MINDY3: variants seen among roughly 807,000 people sequenced by gnomAD.
MINDY3 encodes ubiquitin carboxyl-terminal hydrolase MINDY-3.
A neutral mutation model predicts 69.2 loss-of-function variants in MINDY3; 38 were observed. The ratio of observed to expected loss-of-function variants is 0.55; its 90% CI spans 0.42 to 0.72. MINDY3 has a LOEUF of 0.72. Ranked by LOEUF, MINDY3 falls within the 30% of genes least tolerant of loss-of-function variation. The pLI is 0.00. For synonymous variants in MINDY3, 192 were observed against 180.1 expected (o/e 1.07, Z -0.53); for missense variants, 522 against 519.0 (o/e 1.01, Z -0.06).
At chr10:15,852,189 G>C (rs139970017) in intron 1 of MINDY3, among the ~76,000 whole-genome samples, 1 of 151,988 alleles carries the variant, frequency 6.6e-6, no homozygotes, top group Non-Finnish European at 1.5e-5. Flanking sequence ...TTGCCTGACC[G>C]GTGTTGTATC....
chr10:15,782,201 G>C lies in MINDY3; in HGVS notation c.1142C>G (p.Thr381Ser). 6.2e-7 allele frequency: 1 copy of C among 1,609,682 alleles called. No individual in the cohort carries two copies. Among genetic ancestry groups the C allele is most frequent in the Non-Finnish European group, 8.5e-7 (1 of 1,177,184 alleles). Residue 381 changes from threonine to serine, a missense_variant, in exon 14 of 15, where the codon ACT becomes AGT. Transcript: ENST00000277632. ...CTTCAATCCATTGTAGTGGTAGACAGTAAAAGATTCTGGACCACTGGAGCC... is the reference window on the plus strand; with the variant it reads ...CTTCAATCCATTGTAGTGGTAGACACTAAAAGATTCTGGACCACTGGAGCC... ...DQGSSGPESF[T>S]VYHYNGLKQS...
chr10:15,788,921 C>T (rs184789089), intron 12 of MINDY3: 8 of 188,960 alleles, frequency 4.2e-5, no homozygotes, highest in Non-Finnish European at 8.9e-5. Flanking sequence ...ACCGTCATTA[C>T]TTTACTGAAG....
intron 10 of MINDY3, among the ~76,000 whole-genome samples, chr10:15,799,054 T>C (rs9783219): frequency 0.048 from 7,377 of 152,122 alleles, 581 homozygotes; most frequent in African/African-American, 0.16. Flanking sequence ...TTGCAGGGCA[T>C]ATGGTCTTAG....
At chr10:15,824,059 C>A (rs150622953) in intron 8 of MINDY3, among the ~76,000 whole-genome samples, 1 of 152,282 alleles carries the variant, frequency 6.6e-6, no homozygotes, top group African/African-American at 2.4e-5. Flanking sequence ...GATTCCCTAG[C>A]TTTGCTACTG....
At chr10:15,781,667 A>T (rs926170200) in intron 14 of MINDY3, among the ~76,000 whole-genome samples, 5 of 152,144 alleles carry the variant, frequency 3.3e-5, no homozygotes, top group African/African-American at 4.8e-5. Flanking sequence ...CTTGACCTGT[A>T]AAATGGAGAT....
chr10:15,790,567 T>C (rs1158141652), intron 11 of MINDY3, among the ~76,000 whole-genome samples: 1 of 152,082 alleles, frequency 6.6e-6, no homozygotes, highest in Non-Finnish European at 1.5e-5. Context: ...GCTCAGCGTC[T>C]CCGAATGTGA....
intron 10 of MINDY3, among the ~76,000 whole-genome samples, chr10:15,800,565 A>G (rs907554808): frequency 2.0e-5 from 3 of 152,084 alleles, no homozygotes; most frequent in Non-Finnish European, 4.4e-5. Flanking sequence ...CATACTTTTC[A>G]TCATGTTTAG....
At chr10:15,808,928 C>T (rs1303793940) in intron 10 of MINDY3, among the ~76,000 whole-genome samples, 2 of 152,122 alleles carry the variant, frequency 1.3e-5, no homozygotes, top group Admixed American at 1.3e-4. Flanking sequence ...GGATCAACAG[C>T]TGTCACTCCA....
At chr10:15,853,094 A>C (rs117594299) in intron 1 of MINDY3, among the ~76,000 whole-genome samples, 5 of 152,268 alleles carry the variant, frequency 3.3e-5, no homozygotes, top group Non-Finnish European at 4.4e-5. Context: ...ACACCAACAG[A>C]CAACTATATT....
At chr10:15,786,484 A>G in intron 13 of MINDY3, 77 bp downstream of exon 13, 1 of 920,700 alleles carries the variant, frequency 1.1e-6, no homozygotes, top group South Asian at 1.4e-5. Flanking sequence ...ATTGTACAGA[A>G]AGAGAAAATG....
intron 2 of MINDY3, among the ~76,000 whole-genome samples, chr10:15,845,865 C>T (rs1288693517): frequency 7.0e-6 from 1 of 143,706 alleles, no homozygotes; most frequent in Admixed American, 7.0e-5. Flanking sequence ...CTCTTTCACC[C>T]GAGCTAGAGT....
chr10:15,821,745 A>C lies in MINDY3; in HGVS notation c.731-19T>G. 6.2e-7 allele frequency: 1 copy of C among 1,604,578 alleles called. No individual in the cohort carries two copies. The highest frequency in any genetic ancestry group is 1.1e-5 in the South Asian group (1 of 89,572). Reference sequence around the variant, plus strand: ...AGAAGTTCTGCAAAAAACAACAACAACAACAAAAAACGAAAACTTAGCATT... The same window carrying C: ...AGAAGTTCTGCAAAAAACAACAACACCAACAAAAAACGAAAACTTAGCATT... On this transcript the variant is annotated intron_variant, in intron 8 of 14. Coordinates refer to ENST00000277632, the MANE Select transcript of MINDY3 (RefSeq NM_024948.4).
chr10:15,782,173 C>A lies in MINDY3; in HGVS notation c.1170G>T (p.Gln390His). ...ATCATACCTTTTCATTATAATTTGA[C>A]TGCTTCAATCCATTGTAGTGGTAGA... ...FTVYHYNGLK[Q>H]SNYNEKVMYV... Residue 390 changes from glutamine (Q) to histidine (H), a missense_variant, in exon 14 of 15, where the codon CAG (glutamine) becomes CAT (histidine). By Grantham distance (24) the Gln-to-His change is conservative. Transcript: ENST00000277632. 1 of 1,610,274 alleles carries A rather than the reference C, an allele frequency of 6.2e-7. No individual in the cohort carries two copies. Among genetic ancestry groups the A allele is most frequent in the East Asian group, 2.2e-5 (1 of 44,814 alleles).
At chr10:15,787,087 CAT>C (rs1418835676) in intron 12 of MINDY3, among the ~76,000 whole-genome samples, 1 of 152,022 alleles carries the variant, frequency 6.6e-6, no homozygotes, top group Non-Finnish European at 1.5e-5. Flanking sequence ...TAATAGAAAA[CAT>C]CTCTTAAAAA....
chr10:15,855,015 G>A (rs539911365), intron 1 of MINDY3, among the ~76,000 whole-genome samples: 4 of 152,064 alleles, frequency 2.6e-5, no homozygotes, highest in African/African-American at 4.8e-5. Flanking sequence ...TAAACTTTTC[G>A]TGTATGAAAT....
At chr10:15,857,899 C>G in intron 1 of MINDY3, 1 of 963,130 alleles carries the variant, frequency 1.0e-6, no homozygotes. Context: ...TGCCAAACAT[C>G]TTACATCTGT....
intron 14 of MINDY3, among the ~76,000 whole-genome samples, chr10:15,781,716 T>G (rs1459884884): frequency 6.6e-6 from 1 of 152,174 alleles, no homozygotes; most frequent in Non-Finnish European, 1.5e-5. Context: ...CTGTGAAACT[T>G]AAGCAAAGTA....
chr10:15,793,628 G>C (rs531198218), intron 11 of MINDY3, among the ~76,000 whole-genome samples: 1 of 152,204 alleles, frequency 6.6e-6, no homozygotes, highest in African/African-American at 2.4e-5. Context: ...TGGTAGTAGA[G>C]AGAAGGGGAA....
intron 11 of MINDY3, among the ~76,000 whole-genome samples, chr10:15,794,079 G>A (rs1213030337): frequency 6.6e-6 from 1 of 152,014 alleles, no homozygotes; most frequent in Non-Finnish European, 1.5e-5. Flanking sequence ...CCAGGGGTGG[G>A]AGCTAAAAGT....
Sources: gnomAD v4.1 joint callset for allele counts (sites outside exome capture counted in the v4.1 genomes callset) on GRCh38, gnomAD v4.1.1 for gene constraint, MANE v1.5 for transcripts, NCBI Gene and HGNC (gene_info 2026-07-23, HGNC 2026-07-21) for gene names.